Variants in COG6 observed in about 807,000 individuals in gnomAD.
COG6 encodes component of oligomeric golgi complex 6.
In COG6, 74 loss-of-function variants were observed where a neutral mutation model predicts 88.8. That is an observed-to-expected ratio of 0.83 (90% CI 0.69 to 1.01). The LOEUF (loss-of-function observed/expected upper bound fraction) is 1.01. Ranked by LOEUF, COG6 falls within the 50% of genes least tolerant of loss-of-function variation. COG6 has a pLI of 0.00. For synonymous variants in COG6, 286 were observed against 278.7 expected (o/e 1.03, Z -0.26); for missense variants, 800 against 797.9 (o/e 1.00, Z -0.03).
intron 18 of COG6, among the ~76,000 whole-genome samples, chr13:39,736,594 GGCAGGAGAA>G (rs1244181655): frequency 2.6e-5 from 4 of 152,162 alleles, no homozygotes; most frequent in Admixed American, 1.3e-4. Context: ...AGGAGACTGA[GGCAGGAGAA>G]TCGCTTGAAC....
chr13:39,712,557 AAGAT>A (rs1400086359), intron 13 of COG6, among the ~76,000 whole-genome samples: 3 of 152,348 alleles, frequency 2.0e-5, no homozygotes, highest in African/African-American at 7.2e-5. Context: ...AACATTGTGA[AAGAT>A]AGAGCAGTTA....
chr13:39,745,432 C>G (rs1880290448), intron 18 of COG6, among the ~76,000 whole-genome samples: 4 of 152,148 alleles, frequency 2.6e-5, no homozygotes, highest in Admixed American at 2.0e-4. Flanking sequence ...AGGATATGAA[C>G]AGATACTTCT....
intron 1 of COG6, among the ~76,000 whole-genome samples, chr13:39,658,225 C>A (rs1439819456): frequency 4.0e-5 from 6 of 151,792 alleles, no homozygotes; most frequent in Non-Finnish European, 8.8e-5. Context: ...CTTACTGTAG[C>A]CTTGATCTTG....
At chr13:39,780,045 T>C (rs1190093472) in intron 18 of COG6, among the ~76,000 whole-genome samples, 1 of 152,214 alleles carries the variant, frequency 6.6e-6, no homozygotes. Flanking sequence ...ATAATTGCTA[T>C]CTGCTCCAGT....
intron 12 of COG6, among the ~76,000 whole-genome samples, chr13:39,696,642 A>G (rs1471167737): frequency 6.6e-6 from 1 of 151,534 alleles, no homozygotes; most frequent in African/African-American, 2.4e-5. Context: ...ATGAAATCAG[A>G]AAGGTAGAGA....
intron 3 of COG6, among the ~76,000 whole-genome samples, chr13:39,662,824 T>C (rs1203648066): frequency 6.6e-6 from 1 of 152,148 alleles, no homozygotes; most frequent in African/African-American, 2.4e-5. Flanking sequence ...TATAGCACTA[T>C]TGGAATTCTA....
At position 39,745,018 on chromosome 13, in the gene COG6, T is replaced by C. The variant is rs997238985; in HGVS notation, c.1827-5928T>C. Among the ~76,000 whole-genome samples the C allele has an allele frequency of 5.9e-5, 9 of 152,324 alleles. No homozygotes were observed. The South Asian group carries it at 6.2e-4, about 11-fold the overall frequency. On this transcript the variant is annotated intron_variant, in intron 18 of 18. Transcript: ENST00000455146. The stretch of plus-strand genomic sequence containing the variant: ...GGATTCCCTATTTAATAAATGGTAC[T>C]GGGAAAACTGGCTAGCCAAATGTAG...
At chr13:39,656,237 G>C (rs1264253713) in intron 1 of COG6, 1 of 485,990 alleles carries the variant, frequency 2.1e-6, no homozygotes, top group Non-Finnish European at 4.0e-6. Context: ...CACAAGACTG[G>C]ATATGAAACA....
chr13:39,772,817 G>A (rs1478115253), intron 18 of COG6, among the ~76,000 whole-genome samples: 1 of 152,218 alleles, frequency 6.6e-6, no homozygotes, highest in Non-Finnish European at 1.5e-5. Flanking sequence ...AGGAACTGAA[G>A]GCTTTTACAG....
intron 18 of COG6, among the ~76,000 whole-genome samples, chr13:39,738,157 G>A (rs766450274): frequency 3.3e-5 from 5 of 152,082 alleles, no homozygotes; most frequent in African/African-American, 4.8e-5. Flanking sequence ...TCTTAGGAAG[G>A]TGATTTTTTG....
At chr13:39,679,681 A>G in intron 6 of COG6, 61 bp downstream of exon 6, 1 of 991,734 alleles carries the variant, frequency 1.0e-6, no homozygotes, top group Non-Finnish European at 1.6e-6. Context: ...TTTTAAAGAT[A>G]TTCTAGATTG....
intron 18 of COG6, among the ~76,000 whole-genome samples, chr13:39,735,914 T>C (rs1593462111): frequency 6.6e-6 from 1 of 152,258 alleles, no homozygotes; most frequent in East Asian, 1.9e-4. Flanking sequence ...GTTGTTTCTT[T>C]TCTCTTGCTG....
In COG6 at chr13:39,674,428, TC is replaced by T. The variant is rs1875842126; in HGVS notation, c.429-3039del. ...ATTAAGATACGACAGAGATAAGTTT[TC>T]AAGAAAAAGAAAAGTACCACAGGAT... On this transcript the variant is annotated intron_variant, in intron 4 of 18. Transcript: ENST00000455146. 2.6e-5 allele frequency among the ~76,000 whole-genome samples: 4 copies of T among 152,152 alleles called. 1 individual carries two copies. The South Asian group carries it at 8.3e-4, about 31-fold the overall frequency.
At chr13:39,683,841 C>G (rs1444531998) in intron 8 of COG6, among the ~76,000 whole-genome samples, 1 of 151,716 alleles carries the variant, frequency 6.6e-6, no homozygotes, top group East Asian at 1.9e-4. Flanking sequence ...AGTTATAGTT[C>G]TTTATCAAAA....
chr13:39,763,812 G>C (rs561423821), intron 18 of COG6, among the ~76,000 whole-genome samples: 7 of 151,654 alleles, frequency 4.6e-5, no homozygotes, highest in Non-Finnish European at 8.9e-5. Flanking sequence ...TATTTTATAT[G>C]ATAACACTTC....
chr13:39,702,073 G>T (rs1247114148), intron 13 of COG6, among the ~76,000 whole-genome samples: 1 of 151,940 alleles, frequency 6.6e-6, no homozygotes, highest in African/African-American at 2.4e-5. Context: ...GTGCAGTTTT[G>T]TGCTAATCAT....
chr13:39,727,385 A>T, intron 17 of COG6, 84 bp from the exon 18 acceptor site: 1 of 1,008,622 alleles, frequency 9.9e-7, no homozygotes, highest in Non-Finnish European at 1.6e-6. Flanking sequence ...TCAAGGATTT[A>T]ATTCTTAAAA....
chr13:39,770,507 A>C (rs1212418512), intron 18 of COG6, among the ~76,000 whole-genome samples: 1 of 152,244 alleles, frequency 6.6e-6, no homozygotes, highest in Non-Finnish European at 1.5e-5. Context: ...AGCTTGACTG[A>C]AGCCCAGGTC....
chr13:39,684,341 T>TG (rs1337498102), intron 8 of COG6, among the ~76,000 whole-genome samples: 1 of 132,942 alleles, frequency 7.5e-6, no homozygotes, highest in Non-Finnish European at 1.5e-5. Flanking sequence ...CTCCGCCCCC[T>TG]GGGGTTCACG....
Sources: allele counts gnomAD v4.1 joint callset (sites outside exome capture counted in the v4.1 genomes callset), GRCh38; gene constraint gnomAD v4.1.1; transcripts MANE v1.5; gene names NCBI Gene and HGNC (gene_info 2026-07-23, HGNC 2026-07-21).